HAO1: variants seen among roughly 807,000 people sequenced by gnomAD.
The protein encoded by HAO1 is hydroxyacid oxidase 1, also known as 2-Hydroxyacid oxidase 1.
HAO1 carries 34 observed loss-of-function variants against 39.7 expected under a neutral mutation model. The observed-to-expected ratio is 0.86, with a 90% confidence interval of 0.65 to 1.14. HAO1 has a LOEUF of 1.14. Among genes scored for constraint, HAO1 ranks in the 50% most tolerant of loss-of-function variants. The pLI is 0.00. For missense variants in HAO1, 479 were observed against 464.5 expected (o/e 1.03, Z -0.29); for synonymous variants, 172 against 173.2 (o/e 0.99, Z 0.05).
intron 2 of HAO1, among the ~76,000 whole-genome samples, chr20:7,920,488 A>T (rs1372971442): frequency 1.3e-5 from 2 of 152,154 alleles, no homozygotes; most frequent in Non-Finnish European, 2.9e-5. Flanking sequence ...TTAACTGTGG[A>T]CACCATGCAG....
At chr20:7,903,777 G>A (rs1014255486) in intron 4 of HAO1, among the ~76,000 whole-genome samples, 13 of 149,428 alleles carry the variant, frequency 8.7e-5, no homozygotes, top group Non-Finnish European at 1.8e-4. Context: ...TGATAATGGT[G>A]ATGGGAGTGG....
intron 5 of HAO1, among the ~76,000 whole-genome samples, chr20:7,894,594 T>A (rs1040116834): frequency 6.6e-6 from 1 of 152,144 alleles, no homozygotes; most frequent in Non-Finnish European, 1.5e-5. Context: ...TATTTGCAGC[T>A]CACTTCCCGT....
chr20:7,904,305 C>A (rs1212239439), intron 4 of HAO1, among the ~76,000 whole-genome samples: 6 of 152,316 alleles, frequency 3.9e-5, no homozygotes, highest in Non-Finnish European at 8.8e-5. Context: ...TCCCTGACCA[C>A]AATTTTGCCA....
intron 4 of HAO1, among the ~76,000 whole-genome samples, chr20:7,903,711 T>G (rs2050233064): frequency 1.6e-5 from 2 of 122,288 alleles, no homozygotes; most frequent in Non-Finnish European, 3.5e-5. Flanking sequence ...TGATGGAGGT[T>G]GTGGCTATGG....
chr20:7,930,174 C>A (rs2050379392), intron 2 of HAO1, among the ~76,000 whole-genome samples: 1 of 152,012 alleles, frequency 6.6e-6, no homozygotes, highest in South Asian at 2.1e-4. Context: ...CTGGCCCCAA[C>A]TTCTCTTCCT....
chr20:7,889,530 T>C (rs2050164592), intron 5 of HAO1, among the ~76,000 whole-genome samples: 1 of 152,214 alleles, frequency 6.6e-6, no homozygotes, highest in Non-Finnish European at 1.5e-5. Flanking sequence ...ATAAGCGTAT[T>C]TTTAACACAA....
intron 4 of HAO1, among the ~76,000 whole-genome samples, chr20:7,902,966 T>C (rs1403387262): frequency 6.6e-6 from 1 of 152,224 alleles, no homozygotes; most frequent in Non-Finnish European, 1.5e-5. Flanking sequence ...CAGTTGCTCA[T>C]GATTTCATGT....
At chr20:7,940,458 TG>T (rs1424651205), upstream of HAO1, 7 of 1,567,788 alleles carry the variant, frequency 4.5e-6, no homozygotes, top group Admixed American at 2.1e-5. Context: ...TGGAGTTCGT[TG>T]TTTTTTTTTT....
Position 7,914,290 on chromosome 20 carries a change from G to T in HAO1, c.419C>A (p.Thr140Asn), listed in dbSNP as rs751299616. ...CTCTGCCTGCCGCACTAGCTTCTTG[G>T]TGACTTCTCGGTCCTTGTAGATATA... ...QLYIYKDREV[T>N]KKLVRQAEKM... Residue 140 changes from threonine (T) to asparagine (N), a missense_variant, in exon 3 of 8, where the codon ACC (threonine) becomes AAC (asparagine). Coordinates refer to ENST00000378789, the MANE Select transcript of HAO1 (RefSeq NM_017545.3). The T allele has an allele frequency of 6.2e-7, 1 of 1,613,906 alleles. No individual in the cohort carries two copies.
At chr20:7,938,455 T>C (rs1282023135) in intron 1 of HAO1, among the ~76,000 whole-genome samples, 1 of 152,160 alleles carries the variant, frequency 6.6e-6, no homozygotes, top group Non-Finnish European at 1.5e-5. Context: ...AAATTCATTT[T>C]CATTATCTGT....
intron 4 of HAO1, among the ~76,000 whole-genome samples, chr20:7,903,566 G>A (rs182572717): frequency 6.6e-6 from 1 of 150,914 alleles, no homozygotes; most frequent in African/African-American, 2.4e-5. Flanking sequence ...TGGTAATGGT[G>A]GTGTTGATGG....
At chr20:7,936,519 T>TGTGTGTGTGTGG (rs2050411170) in intron 1 of HAO1, among the ~76,000 whole-genome samples, 1 of 147,058 alleles carries the variant, frequency 6.8e-6, no homozygotes, top group African/African-American at 2.6e-5. Flanking sequence ...TGTGTGTGTG[T>TGTGTGTGTGTGG]GTGTGTGTGT....
At chr20:7,937,256 A>G (rs74616693) in intron 1 of HAO1, among the ~76,000 whole-genome samples, 1,911 of 152,272 alleles carry the variant, frequency 0.013, 37 homozygotes, top group African/African-American at 0.042. Context: ...TTATAACTGC[A>G]TGCTGTTTCT....
Position 7,885,780 on chromosome 20 carries a change from C to T in HAO1, c.898G>A (p.Val300Ile), listed in dbSNP as rs2050148293. ...LDGGVRKGTD[V>I]LKALALGAKA... ...GCGCCAAGAGCCAGAGCTTTCAGAACATCAGTGCCTTTCCGCACACCCCCG... is the reference window on the plus strand; with the variant it reads ...GCGCCAAGAGCCAGAGCTTTCAGAATATCAGTGCCTTTCCGCACACCCCCG... The change falls in exon 6 of 8, where the codon GTT becomes ATT. Residue 300 changes from valine (V) to isoleucine (I), a missense_variant. Transcript: ENST00000378789. 1.2e-6 allele frequency: 2 copies of T among 1,613,658 alleles called. No homozygotes were observed. Among genetic ancestry groups the T allele is most frequent in the Non-Finnish European group, 1.7e-6 (2 of 1,179,570 alleles).
intron 2 of HAO1, among the ~76,000 whole-genome samples, chr20:7,932,229 A>G (rs1161381728): frequency 6.6e-6 from 1 of 152,182 alleles, no homozygotes; most frequent in Non-Finnish European, 1.5e-5. Context: ...CCAGCCATGT[A>G]GAACTGTGAG....
chr20:7,899,042 G>A (rs1265027679), intron 4 of HAO1, among the ~76,000 whole-genome samples: 2 of 151,792 alleles, frequency 1.3e-5, no homozygotes, highest in Non-Finnish European at 2.9e-5. Flanking sequence ...TTATATTCCT[G>A]TGTCTGCCAC....
At chr20:7,884,369 A>C (rs2050141642) in intron 7 of HAO1, among the ~76,000 whole-genome samples, 2 of 152,190 alleles carry the variant, frequency 1.3e-5, no homozygotes, top group Non-Finnish European at 2.9e-5. Context: ...TTAAAAGGAA[A>C]TTCTATGATA....
At chr20:7,895,838 G>C (rs1016368496) in intron 4 of HAO1, among the ~76,000 whole-genome samples, 30 of 152,242 alleles carry the variant, frequency 2.0e-4, no homozygotes, top group African/African-American at 6.7e-4. Context: ...ACGAGGTCAG[G>C]AGTTCAAGAC....
At chr20:7,939,436 A>C (rs1018906484) in intron 1 of HAO1, among the ~76,000 whole-genome samples, 2 of 152,142 alleles carry the variant, frequency 1.3e-5, no homozygotes, top group African/African-American at 2.4e-5. Context: ...TCAGGGAGGA[A>C]GGCTAATTCT....
Sources: gnomAD v4.1 joint callset for allele counts (sites outside exome capture counted in the v4.1 genomes callset) on GRCh38, gnomAD v4.1.1 for gene constraint, MANE v1.5 for transcripts, NCBI Gene and HGNC (gene_info 2026-07-23, HGNC 2026-07-21) for gene names.